The following POC1B variants were observed in gnomAD, a reference collection of about 807,000 sequenced individuals.
The protein encoded by POC1B is POC1 centriolar protein B.
A neutral mutation model predicts 60.6 loss-of-function variants in POC1B; 44 were observed. The observed-to-expected ratio is 0.73, with a 90% CI of 0.57 to 0.93. POC1B has a LOEUF of 0.93. POC1B is among the 40% of genes least tolerant of loss of function. POC1B has a pLI of 0.00. For synonymous variants in POC1B, 180 were observed against 198.9 expected, an observed-to-expected ratio of 0.90 and a Z score of 0.80; for missense variants, 555 against 572.3, an observed-to-expected ratio of 0.97 and a Z score of 0.31.
intron 4 of POC1B, among the ~76,000 whole-genome samples, chr12:89,475,223 GT>G (rs1377808240): frequency 6.6e-6 from 1 of 152,202 alleles, no homozygotes; most frequent in Admixed American, 6.5e-5. Context: ...TGTTATCTTG[GT>G]CAGCTAAAAG....
intron 2 of POC1B, chr12:89,524,142 G>T: frequency 6.2e-7 from 1 of 1,613,954 alleles, no homozygotes; most frequent in Non-Finnish European, 8.5e-7. Context: ...TAACAGAGGT[G>T]GTAGGAAGTG....
At chr12:89,454,378 C>T (rs570714068) in intron 10 of POC1B, among the ~76,000 whole-genome samples, 42 of 152,314 alleles carry the variant, frequency 2.8e-4, no homozygotes, top group African/African-American at 9.9e-4. Context: ...AGTATTGCCT[C>T]CCGTCTGAGT....
intron 9 of POC1B, among the ~76,000 whole-genome samples, chr12:89,463,952 A>G (rs1882575929): frequency 6.6e-6 from 1 of 152,218 alleles, no homozygotes; most frequent in Non-Finnish European, 1.5e-5. Flanking sequence ...TATTTTACTC[A>G]GCAGATTGAG....
chr12:89,473,090 TTTA>T (rs1882965583), intron 4 of POC1B, among the ~76,000 whole-genome samples: 1 of 151,922 alleles, frequency 6.6e-6, no homozygotes, highest in Admixed American at 6.6e-5. Context: ...GAATAGTATT[TTTA>T]TTATTAATAT....
At chr12:89,476,391 C>A (rs1883104791) in intron 4 of POC1B, among the ~76,000 whole-genome samples, 1 of 152,142 alleles carries the variant, frequency 6.6e-6, no homozygotes, top group African/African-American at 2.4e-5. Context: ...CCAAAAACGT[C>A]CATGAACCAT....
chr12:89,466,873 G>A lies in POC1B; in HGVS notation c.929C>T (p.Thr310Ile). 1.2e-6 allele frequency: 2 copies of A among 1,612,966 alleles called. No individual in the cohort carries two copies. The highest frequency in any genetic ancestry group is 1.7e-6 in the Non-Finnish European group (2 of 1,179,268). The change falls in exon 9 of 12, where the codon ACC becomes ATC. Residue 310 changes from threonine to isoleucine, a missense_variant. Physicochemically the swap from Thr to Ile is moderately conservative, Grantham distance 89. Coordinates refer to ENST00000313546, the MANE Select transcript of POC1B (RefSeq NM_172240.3). The part of the protein sequence containing the change: ...NFDELHCKGL[T>I]KRNLKRLHFD... Reference sequence around the variant, plus strand: ...ATGTAATCTTTTGAGATTTCTTTTGGTAAGACCTTTACAATGCAATTCATC... The same window carrying A: ...ATGTAATCTTTTGAGATTTCTTTTGATAAGACCTTTACAATGCAATTCATC...
intron 4 of POC1B, among the ~76,000 whole-genome samples, chr12:89,479,708 G>A (rs992904526): frequency 1.3e-5 from 2 of 151,890 alleles, no homozygotes; most frequent in Admixed American, 6.6e-5. Flanking sequence ...ACTGGGCACC[G>A]AGATAGACAC....
intron 9 of POC1B, chr12:89,461,236 G>C (rs1354092372): frequency 6.6e-6 from 1 of 152,200 alleles, no homozygotes; most frequent in African/African-American, 2.4e-5. Flanking sequence ...GGCTGGACAA[G>C]CTTGGCTTAG....
At chr12:89,401,666 C>T in the POC1B span, among the ~76,000 whole-genome samples, 1 of 152,036 alleles carries the variant, frequency 6.6e-6, no homozygotes, top group African/African-American at 2.4e-5. Flanking sequence ...GGTTGAATTC[C>T]AAAGGTTATT....
At chr12:89,441,209 G>C (rs1267121074) in intron 10 of POC1B, among the ~76,000 whole-genome samples, 1 of 152,246 alleles carries the variant, frequency 6.6e-6, no homozygotes, top group Non-Finnish European at 1.5e-5. Flanking sequence ...CTGAACAAAA[G>C]GCAGCAGAAA....
chr12:89,460,735 A>T (rs1022864758), intron 9 of POC1B: 2 of 152,218 alleles, frequency 1.3e-5, no homozygotes, highest in Non-Finnish European at 2.9e-5. Context: ...GAAAATATAC[A>T]TTCAATATAA....
In POC1B at chr12:89,471,475, C is replaced by G. The variant is rs937382034; in HGVS notation, c.676+139G>C. The stretch of plus-strand genomic sequence containing the variant: ...TCTGAGACCCTGCTGTTGATGGGAG[C>G]TAATTATACTATTCTCTAGCCTGTT... On this transcript the variant is annotated intron_variant, in intron 6 of 11. Coordinates refer to ENST00000313546, the MANE Select transcript of POC1B (RefSeq NM_172240.3). 4 of 585,276 alleles carry G rather than the reference C, an allele frequency of 6.8e-6. No homozygotes were observed. The East Asian group carries it at 1.3e-4, about 20-fold the overall frequency. 36.3% of individuals were successfully genotyped at this position (585,276 alleles called of 1,614,324 possible).
chr12:89,505,216 G>T (rs564636186), intron 2 of POC1B, among the ~76,000 whole-genome samples: 1 of 152,300 alleles, frequency 6.6e-6, no homozygotes, highest in South Asian at 2.1e-4. Flanking sequence ...AGAACAACTG[G>T]AATGTTCATA....
intron 10 of POC1B, among the ~76,000 whole-genome samples, chr12:89,451,078 G>A (rs1882023754): frequency 6.9e-6 from 1 of 144,682 alleles, no homozygotes; most frequent in Admixed American, 6.9e-5. Context: ...CTTGCTGAGA[G>A]CTGAGATGGT....
intron 4 of POC1B, among the ~76,000 whole-genome samples, chr12:89,487,463 G>A (rs973403576): frequency 2.6e-5 from 4 of 152,180 alleles, no homozygotes; most frequent in Non-Finnish European, 5.9e-5. Context: ...TGGAAGAGAG[G>A]TAGTCTTATG....
chr12:89,475,550 A>T (rs1883070583), intron 4 of POC1B, among the ~76,000 whole-genome samples: 1 of 152,190 alleles, frequency 6.6e-6, no homozygotes, highest in South Asian at 2.1e-4. Context: ...TAGATACATC[A>T]AAAATAGGTT....
chr12:89,423,077 T>C (rs1880609724), intron 11 of POC1B, among the ~76,000 whole-genome samples: 1 of 152,120 alleles, frequency 6.6e-6, no homozygotes. Flanking sequence ...TGATCTTAGC[T>C]CCCTGCAACC....
the POC1B span, among the ~76,000 whole-genome samples, chr12:89,405,915 T>C: frequency 6.6e-6 from 1 of 150,578 alleles, no homozygotes; most frequent in East Asian, 2.0e-4. Context: ...AATATGACTG[T>C]GCCACTGCAC....
the POC1B span, among the ~76,000 whole-genome samples, chr12:89,403,981 A>G: frequency 6.6e-6 from 1 of 152,004 alleles, no homozygotes; most frequent in Non-Finnish European, 1.5e-5. Context: ...AAAAATACAA[A>G]ATTAGCCAGG....
Sources: gnomAD v4.1 joint callset for allele counts (sites outside exome capture counted in the v4.1 genomes callset) on GRCh38, gnomAD v4.1.1 for gene constraint, MANE v1.5 for transcripts, NCBI Gene and HGNC (gene_info 2026-07-23, HGNC 2026-07-21) for gene names.